Variants in ME3 observed in about 807,000 individuals in gnomAD.
ME3 encodes malic enzyme 3.
ME3 carries 48 observed loss-of-function variants against 68.9 expected under a neutral mutation model. The ratio of observed to expected loss-of-function variants is 0.70; its 90% CI spans 0.55 to 0.89. The LOEUF is 0.89. Ranked by LOEUF, ME3 falls within the 40% of genes least tolerant of loss-of-function variation. The probability of loss-of-function intolerance (pLI) is 0.00; values close to 1 mark genes in which losing one functional copy is unlikely to be tolerated. For missense variants in ME3, 675 were observed against 797.4 expected, an observed-to-expected ratio of 0.85 and a Z score of 1.85; for synonymous variants, 320 against 318.8, an observed-to-expected ratio of 1.00 and a Z score of -0.04.
chr11:86,562,986 CA>C (rs1387664962), intron 2 of ME3, among the ~76,000 whole-genome samples: 3 of 152,010 alleles, frequency 2.0e-5, no homozygotes, highest in East Asian at 1.9e-4. Context: ...CGTGTTGCTG[CA>C]AAAAACATGA....
At position 86,462,015 on chromosome 11, in the gene ME3, A is replaced by G. The variant is rs534950202; in HGVS notation, c.919+3076T>C. On this transcript the variant is annotated intron_variant, in intron 8 of 14. Transcript: ENST00000543262. ...GCAAAATTGGCTATAGAGGCAAGAC[A>G]CAAAAACCAATGAATGTAAACAAAT... is the stretch of plus-strand genomic sequence containing the variant. Among the ~76,000 whole-genome samples, 11 of 152,368 alleles carry G rather than the reference A, an allele frequency of 7.2e-5. No homozygotes were observed. The South Asian group carries it at 2.3e-3, about 32-fold the overall frequency.
intron 4 of ME3, among the ~76,000 whole-genome samples, chr11:86,514,974 A>G (rs1245663285): frequency 1.3e-5 from 2 of 152,220 alleles, no homozygotes; most frequent in Admixed American, 6.5e-5. Context: ...ATAATTACAA[A>G]TTAGTGTTTT....
At chr11:86,582,425 C>T (rs1958492329) in intron 2 of ME3, among the ~76,000 whole-genome samples, 1 of 152,186 alleles carries the variant, frequency 6.6e-6, no homozygotes, top group Admixed American at 6.5e-5. Flanking sequence ...TTTTTACCTG[C>T]ACCCCTGGTG....
At chr11:86,505,676 CTT>C (rs1953024574) in intron 5 of ME3, among the ~76,000 whole-genome samples, 1 of 152,226 alleles carries the variant, frequency 6.6e-6, no homozygotes, top group Admixed American at 6.5e-5. Context: ...TGTGTATAGA[CTT>C]TATCATAGTT....
At chr11:86,638,193 A>G (rs1049648705) in intron 2 of ME3, among the ~76,000 whole-genome samples, 4 of 152,138 alleles carry the variant, frequency 2.6e-5, no homozygotes, top group Non-Finnish European at 4.4e-5. Context: ...CCTCAAAGCT[A>G]GAGTTTGAGG....
chr11:86,596,303 CTT>C (rs1390077990), intron 2 of ME3, among the ~76,000 whole-genome samples: 1 of 152,142 alleles, frequency 6.6e-6, no homozygotes, highest in East Asian at 1.9e-4. Context: ...ATTTCAGTCT[CTT>C]TTGACTAGTG....
At chr11:86,576,546 G>C (rs1447201620) in intron 2 of ME3, among the ~76,000 whole-genome samples, 1 of 152,192 alleles carries the variant, frequency 6.6e-6, no homozygotes, top group Non-Finnish European at 1.5e-5. Context: ...AGCAAGCTCA[G>C]GGCAGATCAG....
intron 2 of ME3, among the ~76,000 whole-genome samples, chr11:86,654,396 C>A (rs1450362835): frequency 1.3e-5 from 2 of 152,212 alleles, no homozygotes; most frequent in Non-Finnish European, 2.9e-5. Context: ...AGCTTATCCA[C>A]CATGATCAAG....
intron 6 of ME3, 104 bp downstream of exon 6, chr11:86,497,859 A>T: frequency 7.9e-7 from 1 of 1,266,584 alleles, no homozygotes; most frequent in Non-Finnish European, 1.1e-6. Context: ...CAAGAAAGAA[A>T]TGGCCCATTG....
intron 2 of ME3, among the ~76,000 whole-genome samples, chr11:86,599,353 G>A (rs557325847): frequency 2.8e-4 from 42 of 152,314 alleles, no homozygotes; most frequent in African/African-American, 9.9e-4. Flanking sequence ...GGATATCAGT[G>A]ATGGAAGATG....
chr11:86,587,313 TCATCAGGCCTGGGCAGG>T (rs1565175566), intron 2 of ME3, among the ~76,000 whole-genome samples: 1 of 152,218 alleles, frequency 6.6e-6, no homozygotes, highest in African/African-American at 2.4e-5. Flanking sequence ...GAGACCATTT[TCATCAGGCCTGGGCAGG>T]CATGATGCAG....
At chr11:86,443,758 T>C (rs1949135685) in intron 13 of ME3, among the ~76,000 whole-genome samples, 1 of 152,236 alleles carries the variant, frequency 6.6e-6, no homozygotes. Flanking sequence ...CCTCCCTCTC[T>C]ACCTCCTTCT....
chr11:86,582,255 T>G (rs980452958), intron 2 of ME3, among the ~76,000 whole-genome samples: 1 of 152,244 alleles, frequency 6.6e-6, no homozygotes, highest in Non-Finnish European at 1.5e-5. Context: ...AATGACCTTC[T>G]GTGCCCATCT....
chr11:86,450,194 G>T, intron 9 of ME3, 107 bp downstream of exon 9: 1 of 1,140,714 alleles, frequency 8.8e-7, no homozygotes, highest in Non-Finnish European at 1.3e-6. Context: ...ATATGTCTGT[G>T]CTGCTTCCTC....
chr11:86,467,060 A>G (rs567501017), intron 7 of ME3, among the ~76,000 whole-genome samples: 6 of 151,660 alleles, frequency 4.0e-5, no homozygotes, highest in Admixed American at 3.3e-4. Flanking sequence ...AATTGCATAT[A>G]TTGAAGGTAT....
At chr11:86,655,563 G>T (rs1379820177) in intron 2 of ME3, among the ~76,000 whole-genome samples, 3 of 152,024 alleles carry the variant, frequency 2.0e-5, no homozygotes, top group African/African-American at 7.2e-5. Flanking sequence ...AGCTGAAACT[G>T]GATCGCTTCC....
intron 8 of ME3, among the ~76,000 whole-genome samples, chr11:86,452,964 G>A (rs1408982340): frequency 6.6e-6 from 1 of 152,016 alleles, no homozygotes. Flanking sequence ...GTTGAATGTT[G>A]TGAGGCATTT....
At chr11:86,671,668 C>T in intron 2 of ME3, 94 bp downstream of exon 2, 3 of 1,494,896 alleles carry the variant, frequency 2.0e-6, no homozygotes, top group Non-Finnish European at 2.7e-6. Context: ...GGAAGGGCGC[C>T]CGGGAGGATC....
chr11:86,464,084 AC>A, intron 8 of ME3: 1 of 450,462 alleles, frequency 2.2e-6, no homozygotes, highest in Non-Finnish European at 4.4e-6. Flanking sequence ...TCCCTGACTC[AC>A]TTGAAGAAAA....
Sources: gnomAD v4.1 joint callset for allele counts (sites outside exome capture counted in the v4.1 genomes callset) on GRCh38, gnomAD v4.1.1 for gene constraint, MANE v1.5 for transcripts, NCBI Gene and HGNC (gene_info 2026-07-23, HGNC 2026-07-21) for gene names.